UTRN: variants seen among roughly 807,000 people sequenced by gnomAD.
UTRN encodes utrophin.
UTRN carries 283 observed loss-of-function variants against 463.9 expected under a neutral mutation model. The observed-to-expected ratio is 0.61, with a 90% CI of 0.55 to 0.67. UTRN has a LOEUF of 0.67. Ranked by LOEUF, UTRN falls within the 30% of genes least tolerant of loss-of-function variation. The pLI is 0.00. For missense variants in UTRN, 3,922 were observed against 4,084.3 expected, an observed-to-expected ratio of 0.96 and a Z score of 1.08; for synonymous variants, 1,442 against 1,431.5, an observed-to-expected ratio of 1.01 and a Z score of -0.17.
chr6:144,778,328 C>G (rs528575930), intron 60 of UTRN, among the ~76,000 whole-genome samples: 11 of 152,160 alleles, frequency 7.2e-5, no homozygotes, highest in African/African-American at 2.4e-4. Context: ...TCACGGTTTG[C>G]AGACTGGATT....
intron 41 of UTRN, among the ~76,000 whole-genome samples, chr6:144,525,694 A>T: frequency 2.1e-5 from 3 of 143,050 alleles, no homozygotes. Flanking sequence ...CTCTGCTCTG[A>T]TCTTGGTTAT....
chr6:144,477,727 T>C (rs1791381813), intron 25 of UTRN, among the ~76,000 whole-genome samples: 1 of 152,200 alleles, frequency 6.6e-6, no homozygotes, highest in African/African-American at 2.4e-5. Context: ...CTCTCATCTC[T>C]TATCCTAGCT....
At chr6:144,303,008 A>G (rs675261) in intron 2 of UTRN, among the ~76,000 whole-genome samples, 47,719 of 152,128 alleles carry the variant, frequency 0.31, 7,846 homozygotes, top group South Asian at 0.46. Context: ...AGAAGCCACT[A>G]CAGGATTTTA....
intron 2 of UTRN, among the ~76,000 whole-genome samples, chr6:144,337,243 G>A (rs1776809000): frequency 6.6e-6 from 1 of 151,296 alleles, no homozygotes; most frequent in Admixed American, 6.6e-5. Context: ...GCCACCCTGG[G>A]AGGAAACCCT....
chr6:144,562,910 A>T (rs1216420924), intron 50 of UTRN, among the ~76,000 whole-genome samples: 1 of 152,144 alleles, frequency 6.6e-6, no homozygotes, highest in Non-Finnish European at 1.5e-5. Context: ...CTAGCATGAG[A>T]TGGTATCCCA....
intron 2 of UTRN, among the ~76,000 whole-genome samples, chr6:144,306,782 G>T (rs1365382274): frequency 1.3e-5 from 2 of 151,914 alleles, no homozygotes; most frequent in East Asian, 3.9e-4. Context: ...GAGGCCGGGT[G>T]TGGTGGATCA....
At chr6:144,365,320 T>A (rs1779417534) in intron 2 of UTRN, among the ~76,000 whole-genome samples, 1 of 152,186 alleles carries the variant, frequency 6.6e-6, no homozygotes, top group Admixed American at 6.6e-5. Flanking sequence ...ATGATGCATA[T>A]GTTTGTCTGA....
At chr6:144,580,543 T>A (rs1801877793) in intron 51 of UTRN, among the ~76,000 whole-genome samples, 1 of 152,112 alleles carries the variant, frequency 6.6e-6, no homozygotes, top group Non-Finnish European at 1.5e-5. Flanking sequence ...TAAGGATGGA[T>A]GATGATTTGG....
At chr6:144,794,052 G>A in intron 63 of UTRN, 61 bp downstream of exon 63, 1 of 1,578,910 alleles carries the variant, frequency 6.3e-7, no homozygotes, top group Non-Finnish European at 8.6e-7. Context: ...AGGATGTTCT[G>A]AGACATGGAA....
intron 57 of UTRN, among the ~76,000 whole-genome samples, chr6:144,755,646 T>C (rs1791910704): frequency 6.6e-6 from 1 of 152,192 alleles, no homozygotes; most frequent in East Asian, 1.9e-4. Flanking sequence ...AAATATTAAT[T>C]CCTTTCCTTT....
At chr6:144,728,943 C>T (rs1788221326) in intron 53 of UTRN, among the ~76,000 whole-genome samples, 1 of 152,124 alleles carries the variant, frequency 6.6e-6, no homozygotes, top group Admixed American at 6.6e-5. Context: ...GAGGGTTAAG[C>T]TACACTTTGG....
chr6:144,510,308 G>C (rs562272519), intron 34 of UTRN, among the ~76,000 whole-genome samples: 1 of 152,238 alleles, frequency 6.6e-6, no homozygotes, highest in Admixed American at 6.5e-5. Context: ...CGAATGTGCC[G>C]ATCACTTTAT....
At chr6:144,847,393 T>G (rs1782112892) in intron 74 of UTRN, among the ~76,000 whole-genome samples, 1 of 139,028 alleles carries the variant, frequency 7.2e-6, no homozygotes, top group African/African-American at 2.5e-5. Flanking sequence ...GCCTGTTTTG[T>G]TTTGTTTTTT....
intron 43 of UTRN, among the ~76,000 whole-genome samples, chr6:144,533,999 A>AT (rs1006224317): frequency 2.0e-5 from 3 of 150,682 alleles, no homozygotes; most frequent in Admixed American, 1.3e-4. Context: ...AAACTCCACG[A>AT]TTTTTTTTTC....
chr6:144,645,353 A>G (rs907443598), intron 51 of UTRN, among the ~76,000 whole-genome samples: 4 of 152,202 alleles, frequency 2.6e-5, no homozygotes, highest in Non-Finnish European at 5.9e-5. Flanking sequence ...TATAGTCCTT[A>G]GATACTGTTT....
intron 51 of UTRN, among the ~76,000 whole-genome samples, chr6:144,631,908 G>A (rs955395291): frequency 5.3e-5 from 8 of 152,206 alleles, no homozygotes; most frequent in African/African-American, 1.4e-4. Context: ...CCATGGTGAA[G>A]AAATTCTGAC....
At chr6:144,394,156 C>T (rs1042362126) in intron 2 of UTRN, among the ~76,000 whole-genome samples, 1 of 152,158 alleles carries the variant, frequency 6.6e-6, no homozygotes, top group African/African-American at 2.4e-5. Flanking sequence ...TTGGCTTTTA[C>T]AATGCTCATT....
chr6:144,810,266 A>G (rs183156618), intron 65 of UTRN, among the ~76,000 whole-genome samples: 67 of 152,268 alleles, frequency 4.4e-4, no homozygotes, highest in Non-Finnish European at 7.2e-4. Context: ...CTCAACTGCC[A>G]ATGTGCCATA....
chr6:144,782,384 G>A (rs1775910182), intron 61 of UTRN, among the ~76,000 whole-genome samples: 2 of 151,946 alleles, frequency 1.3e-5, no homozygotes, highest in African/African-American at 4.8e-5. Flanking sequence ...AGTATTCTTT[G>A]CCAAAATGCT....
Sources: gnomAD v4.1 joint callset for allele counts (sites outside exome capture counted in the v4.1 genomes callset) on GRCh38, gnomAD v4.1.1 for gene constraint, MANE v1.5 for transcripts, NCBI Gene and HGNC (gene_info 2026-07-23, HGNC 2026-07-21) for gene names.